ACVR1: variants seen among roughly 807,000 people sequenced by gnomAD.
The protein encoded by ACVR1 is activin receptor type-1.
Under a neutral mutation model 57.1 loss-of-function variants are expected in ACVR1, and 38 were observed. The observed-to-expected ratio is 0.67, with a 90% CI of 0.51 to 0.87. The LOEUF (loss-of-function observed/expected upper bound fraction) is 0.87, where lower values mean the gene tolerates loss of function less well. Among genes scored for constraint, ACVR1 ranks in the 40% least tolerant of loss-of-function variants. The pLI, the probability that ACVR1 is intolerant of heterozygous loss-of-function variation, is 0.00. For synonymous variants in ACVR1, 212 were observed against 228.1 expected, an observed-to-expected ratio of 0.93 and a Z score of 0.63; for missense variants, 463 against 638.2, an observed-to-expected ratio of 0.73 and a Z score of 2.96.
intron 8 of ACVR1, among the ~76,000 whole-genome samples, chr2:157,764,195 T>A (rs879572117): frequency 2.6e-5 from 4 of 151,894 alleles, no homozygotes; most frequent in Non-Finnish European, 5.9e-5. Context: ...TATATATATT[T>A]TTTTTTAGAC....
At chr2:157,807,080 C>G (rs1432073552) in intron 2 of ACVR1, 1 of 151,650 alleles carries the variant, frequency 6.6e-6, no homozygotes, top group African/African-American at 2.4e-5. Flanking sequence ...CCAGCTGTAA[C>G]AGATGGACCC....
intron 5 of ACVR1, among the ~76,000 whole-genome samples, chr2:157,774,832 G>A (rs1030781527): frequency 1.3e-5 from 2 of 152,044 alleles, no homozygotes; most frequent in Non-Finnish European, 2.9e-5. Context: ...GAAAGCCCAA[G>A]AAGCAGATAT....
intron 9 of ACVR1, among the ~76,000 whole-genome samples, chr2:157,745,798 G>A (rs1684945018): frequency 6.6e-6 from 1 of 152,182 alleles, no homozygotes; most frequent in African/African-American, 2.4e-5. Flanking sequence ...TTGAGTTGCT[G>A]ACAAAAATAG....
At chr2:157,812,161 A>T (rs919863802) in intron 2 of ACVR1, among the ~76,000 whole-genome samples, 5 of 152,242 alleles carry the variant, frequency 3.3e-5, no homozygotes, top group Middle Eastern at 3.2e-3. Flanking sequence ...AGCAGTGAGC[A>T]TCCCTGGTGC....
At chr2:157,848,033 G>C (rs577493546) in intron 1 of ACVR1, among the ~76,000 whole-genome samples, 1 of 152,138 alleles carries the variant, frequency 6.6e-6, no homozygotes, top group Non-Finnish European at 1.5e-5. Context: ...GGAACCCTAG[G>C]GGACATAACA....
intron 2 of ACVR1, among the ~76,000 whole-genome samples, chr2:157,800,177 G>A (rs2105307019): frequency 6.6e-6 from 1 of 152,334 alleles, no homozygotes; most frequent in East Asian, 1.9e-4. Context: ...GGAATGTGAT[G>A]GGAGTTTGGT....
At chr2:157,834,580 C>T (rs1344546503) in intron 1 of ACVR1, among the ~76,000 whole-genome samples, 1 of 152,168 alleles carries the variant, frequency 6.6e-6, no homozygotes, top group Non-Finnish European at 1.5e-5. Flanking sequence ...ATATCACACA[C>T]ATATGTGCCA....
intron 2 of ACVR1, among the ~76,000 whole-genome samples, chr2:157,806,079 C>T (rs752290195): frequency 2.0e-5 from 3 of 151,970 alleles, no homozygotes; most frequent in South Asian, 4.2e-4. Context: ...CCCCCTGCCT[C>T]GGCCTCCCAA....
intron 7 of ACVR1, among the ~76,000 whole-genome samples, chr2:157,768,482 TTAAA>T (rs534120843): frequency 6.6e-6 from 1 of 152,146 alleles, no homozygotes; most frequent in Non-Finnish European, 1.5e-5. Context: ...GAGCTTCTGA[TTAAA>T]TAAATAAATA....
chr2:157,807,654 T>C (rs1687598722), intron 2 of ACVR1, among the ~76,000 whole-genome samples: 1 of 151,842 alleles, frequency 6.6e-6, no homozygotes, highest in South Asian at 2.1e-4. Flanking sequence ...TCATTTCAAA[T>C]CCCGCTTCTT....
intron 1 of ACVR1, among the ~76,000 whole-genome samples, chr2:157,860,790 C>A (rs1477646056): frequency 1.6e-4 from 24 of 152,052 alleles, no homozygotes; most frequent in Non-Finnish European, 2.9e-5. Flanking sequence ...TGCAGGTGGT[C>A]GACTTTCCAA....
At chr2:157,767,447 T>G (rs1172982711) in intron 7 of ACVR1, among the ~76,000 whole-genome samples, 6 of 152,164 alleles carry the variant, frequency 3.9e-5, no homozygotes, top group Non-Finnish European at 8.8e-5. Context: ...GCTTGCCTTT[T>G]CTGCTACAGA....
intron 1 of ACVR1, among the ~76,000 whole-genome samples, chr2:157,825,710 T>C (rs1688319424): frequency 6.6e-6 from 1 of 152,184 alleles, no homozygotes; most frequent in Non-Finnish European, 1.5e-5. Context: ...AGAAAAAATG[T>C]CTTCCATGAA....
intron 1 of ACVR1, among the ~76,000 whole-genome samples, chr2:157,847,933 AC>A (rs139040177): frequency 0.02 from 3,037 of 152,012 alleles, 106 homozygotes; most frequent in African/African-American, 0.068. Flanking sequence ...TCCCCCCACC[AC>A]CCCATTCTAT....
At chr2:157,872,633 C>T (rs1307131323) in intron 1 of ACVR1, among the ~76,000 whole-genome samples, 1 of 152,162 alleles carries the variant, frequency 6.6e-6, no homozygotes, top group African/African-American at 2.4e-5. Flanking sequence ...ACAATTATTT[C>T]CTGGGGTCTT....
chr2:157,741,329 G>T (rs2105221093), intron 9 of ACVR1, among the ~76,000 whole-genome samples: 1 of 152,174 alleles, frequency 6.6e-6, no homozygotes, highest in Admixed American at 6.5e-5. Flanking sequence ...GGCTGTGCTT[G>T]GCAGGAGGGA....
chr2:157,833,230 C>T (rs1688649290), intron 1 of ACVR1, among the ~76,000 whole-genome samples: 1 of 152,158 alleles, frequency 6.6e-6, no homozygotes, highest in African/African-American at 2.4e-5. Context: ...AAACTGTCTC[C>T]ATACTGCACA....
chr2:157,812,410 T>C (rs1019078038), intron 2 of ACVR1, among the ~76,000 whole-genome samples: 3 of 152,122 alleles, frequency 2.0e-5, no homozygotes, highest in African/African-American at 4.8e-5. Flanking sequence ...ACCTGGTTGA[T>C]GGACCCATTA....
At chr2:157,808,402 A>T (rs1339650446) in intron 2 of ACVR1, among the ~76,000 whole-genome samples, 2 of 152,170 alleles carry the variant, frequency 1.3e-5, no homozygotes, top group East Asian at 3.8e-4. Flanking sequence ...AATGGGGGGC[A>T]GGGGTGGGTT....
Sources: gnomAD v4.1 joint callset for allele counts (sites outside exome capture counted in the v4.1 genomes callset) on GRCh38, gnomAD v4.1.1 for gene constraint, MANE v1.5 for transcripts, NCBI Gene and HGNC (gene_info 2026-07-23, HGNC 2026-07-21) for gene names.